Variants in MVP observed in about 807,000 individuals in gnomAD.
MVP encodes the protein lung resistance-related protein.
In MVP, 62 loss-of-function variants were observed where a neutral mutation model predicts 83.5. The ratio of observed to expected loss-of-function variants is 0.74; its 90% CI spans 0.61 to 0.92. The LOEUF is 0.92. MVP is among the 40% of genes least tolerant of loss of function. The pLI is 0.00. For synonymous variants in MVP, 505 were observed against 504.1 expected (o/e 1.00, Z -0.02); for missense variants, 1,000 against 1,203.4 (o/e 0.83, Z 2.50).
At chr16:29,831,775 G>A in intron 3 of MVP, 1 of 454,558 alleles carries the variant, frequency 2.2e-6, no homozygotes, top group Non-Finnish European at 4.4e-6. Context: ...CCAGGCCCCA[G>A]GCTGTGCCTG....
chr16:29,842,424 A>G lies in MVP; in HGVS notation c.1634+312A>G, dbSNP rs112948631. Among the ~76,000 whole-genome samples, 357 of 151,506 alleles carry G rather than the reference A, an allele frequency of 2.4e-3. 3 individuals carry two copies. The highest frequency in any genetic ancestry group is 8.1e-3 in the African/African-American group (334 of 41,270). ...GGATTCAAGCGAGTCTCCTGCCTCA[A>G]CCTCCCAAGTGGCTAGGATTACAGG... On this transcript the variant is annotated intron_variant, in intron 10 of 14. Transcript: ENST00000357402.
At chr16:29,840,816 A>T (rs1179520574) in intron 8 of MVP, among the ~76,000 whole-genome samples, 2 of 152,014 alleles carry the variant, frequency 1.3e-5, no homozygotes, top group Non-Finnish European at 2.9e-5. Context: ...TGGTGGTCTG[A>T]GTAGTCCCAG....
intron 12 of MVP, 61 bp from the exon 13 acceptor site, chr16:29,846,097 C>A: frequency 6.2e-7 from 1 of 1,601,108 alleles, no homozygotes; most frequent in Non-Finnish European, 8.5e-7. Context: ...ACAGCATAAG[C>A]CAAGGCCGTG....
intron 10 of MVP, among the ~76,000 whole-genome samples, chr16:29,842,784 C>T (rs538736357): frequency 6.6e-6 from 1 of 152,180 alleles, no homozygotes; most frequent in African/African-American, 2.4e-5. Context: ...TAGGAGTTCA[C>T]GCAAATCCAG....
intron 10 of MVP, 116 bp from the exon 11 acceptor site, chr16:29,844,377 T>C: frequency 7.5e-7 from 1 of 1,334,658 alleles, no homozygotes; most frequent in East Asian, 2.5e-5. Context: ...GGTTGGGGGG[T>C]TGCCTGAGCC....
Position 29,843,976 on chromosome 16 carries a change from A to AGCTGCCGACATATTCCCAGG in MVP, c.1635-496_1635-477dup, listed in dbSNP as rs558839888. On this transcript the variant is annotated intron_variant, in intron 10 of 14. Coordinates refer to ENST00000357402, the MANE Select transcript of MVP (RefSeq NM_005115.5). ...AGCCAGTGCCCTGATGGCGGCAGACAGCTGCCGACATATTCCCAGGGCTGC... is the reference window on the plus strand; with the variant it reads ...AGCCAGTGCCCTGATGGCGGCAGACAGCTGCCGACATATTCCCAGGGCTGCCGACATATTCCCAGGGCTGC... 1.2e-3 allele frequency among the ~76,000 whole-genome samples: 180 copies of AGCTGCCGACATATTCCCAGG among 152,342 alleles called. 1 individual carries two copies. The highest frequency in any genetic ancestry group is 3.7e-3 in the African/African-American group (152 of 41,580).
chr16:29,845,448 G>T (rs1457391495), intron 11 of MVP, among the ~76,000 whole-genome samples: 1 of 152,044 alleles, frequency 6.6e-6, no homozygotes, highest in Non-Finnish European at 1.5e-5. Context: ...TATTCCTGCT[G>T]CCCAGAAAGC....
chr16:29,836,947 C>T lies in MVP; in HGVS notation c.898C>T (p.Arg300Cys), dbSNP rs201515105. 36 of 1,611,826 alleles carry T rather than the reference C, an allele frequency of 2.2e-5. No homozygotes were observed. The highest frequency in any genetic ancestry group is 1.7e-4 in the African/African-American group (13 of 75,000). ...TGGCAAGAATCAGCTGGGGCAGAAGCGCGTGGTCAAGGTGAGGTCCCTACA... is the reference window on the plus strand; with the variant it reads ...TGGCAAGAATCAGCTGGGGCAGAAGTGCGTGGTCAAGGTGAGGTCCCTACA... ...PDGKNQLGQK[R>C]VVKGEKSFFL... Residue 300 changes from arginine (R) to cysteine (C), a missense_variant, in exon 7 of 15, where the codon CGC (arginine) becomes TGC (cysteine). Coordinates refer to ENST00000357402, the MANE Select transcript of MVP (RefSeq NM_005115.5).
intron 1 of MVP, chr16:29,826,225 T>C (rs1163026922): frequency 6.6e-6 from 1 of 152,258 alleles, no homozygotes; most frequent in Non-Finnish European, 1.5e-5. Context: ...CAGTGCTTTA[T>C]GTGCTAACTT....
chr16:29,829,337 C>G (rs1348073204), intron 1 of MVP, among the ~76,000 whole-genome samples: 1 of 150,394 alleles, frequency 6.6e-6, no homozygotes, highest in Non-Finnish European at 1.5e-5. Flanking sequence ...AAAAAATTAG[C>G]TAGACATGGT....
chr16:29,837,013 T>C, intron 7 of MVP, 55 bp downstream of exon 7: 2 of 1,493,894 alleles, frequency 1.3e-6, no homozygotes, highest in Non-Finnish European at 1.8e-6. Flanking sequence ...TGTCCTCTAG[T>C]GGCATGAGGC....
At chr16:29,832,530 G>A (rs530665179) in intron 3 of MVP, among the ~76,000 whole-genome samples, 20 of 148,448 alleles carry the variant, frequency 1.3e-4, no homozygotes, top group Non-Finnish European at 2.1e-4. Flanking sequence ...ATCTCCTGAC[G>A]TCATGATCCA....
Position 29,836,860 on chromosome 16 carries a change from G to A in MVP, c.811G>A (p.Val271Met). ...PDVHEEVLGV[V>M]PITTLGPHNY... is the part of the protein sequence containing the mutation. ...TGTCCACGAGGAGGTGCTGGGGGTT[G>A]TGCCCATCACCACCCTGGGCCCCCA... Residue 271 changes from valine (V) to methionine (M), a missense_variant, in exon 7 of 15, where the codon GTG (valine) becomes ATG (methionine). Coordinates refer to ENST00000357402, the MANE Select transcript of MVP (RefSeq NM_005115.5). 6.2e-7 allele frequency: 1 copy of A among 1,613,998 alleles called. No homozygotes were observed. Among genetic ancestry groups the A allele is most frequent in the Non-Finnish European group, 8.5e-7 (1 of 1,179,988 alleles).
At chr16:29,838,372 G>T (rs2067505702) in intron 7 of MVP, among the ~76,000 whole-genome samples, 1 of 149,728 alleles carries the variant, frequency 6.7e-6, no homozygotes, top group African/African-American at 2.5e-5. Flanking sequence ...GGAGGCGGAG[G>T]TTGCAGTGAG....
At chr16:29,846,836 G>A (rs1862430375) in intron 13 of MVP, among the ~76,000 whole-genome samples, 1 of 151,936 alleles carries the variant, frequency 6.6e-6, no homozygotes, top group Non-Finnish European at 1.5e-5. Context: ...ACTCCAGCCT[G>A]GGCAACAAGA....
At chr16:29,838,996 G>C (rs976637590) in intron 7 of MVP, among the ~76,000 whole-genome samples, 1 of 152,108 alleles carries the variant, frequency 6.6e-6, no homozygotes, top group Admixed American at 6.6e-5. Context: ...AGACCAGCCT[G>C]GCCAACATGG....
At chr16:29,843,127 T>C (rs2067548288) in intron 10 of MVP, among the ~76,000 whole-genome samples, 1 of 152,076 alleles carries the variant, frequency 6.6e-6, no homozygotes, top group Non-Finnish European at 1.5e-5. Context: ...CAATGAGTGT[T>C]AGAACAGTGC....
Position 29,840,245 on chromosome 16 carries a change from T to C in MVP, c.977T>C (p.Leu326Pro), listed in dbSNP as rs1444997702. 3 of 1,613,846 alleles carry C rather than the reference T, an allele frequency of 1.9e-6. No individual in the cohort carries two copies. The African/African-American group carries it at 4.0e-5, about 22-fold the overall frequency. ...LEQGIQDVYV[L>P]SEQQGLLLRA... ...CAAGGCATCCAGGATGTGTATGTGCTGTCGGAGCAGCAGGGGCTGCTGCTG... is the reference window on the plus strand; with the variant it reads ...CAAGGCATCCAGGATGTGTATGTGCCGTCGGAGCAGCAGGGGCTGCTGCTG... Residue 326 changes from leucine (L) to proline (P), a missense_variant, in exon 8 of 15, where the codon CTG becomes CCG. Leu to Pro is a moderately conservative substitution (Grantham distance 98). Coordinates refer to ENST00000357402, the MANE Select transcript of MVP (RefSeq NM_005115.5).
intron 3 of MVP, among the ~76,000 whole-genome samples, chr16:29,832,762 G>A (rs2067454781): frequency 6.6e-6 from 1 of 151,554 alleles, no homozygotes; most frequent in Non-Finnish European, 1.5e-5. Context: ...CCCTGCCTAA[G>A]CTTTCATTTT....
Sources: allele counts gnomAD v4.1 joint callset (sites outside exome capture counted in the v4.1 genomes callset), GRCh38; gene constraint gnomAD v4.1.1; transcripts MANE v1.5; gene names NCBI Gene and HGNC (gene_info 2026-07-23, HGNC 2026-07-21).